The following AP5Z1 variants were observed in gnomAD, a reference collection of about 807,000 sequenced individuals.
The protein encoded by AP5Z1 is adaptor related protein complex 5 subunit zeta 1, also known as AP-5 complex subunit zeta-1.
Under a neutral mutation model 83.0 loss-of-function variants are expected in AP5Z1, and 106 were observed. The ratio of observed to expected loss-of-function variants is 1.28; its 90% CI spans 1.09 to 1.50. AP5Z1 has a LOEUF of 1.50. Among genes scored for constraint, AP5Z1 ranks in the 40% most tolerant of loss-of-function variants. The pLI, the probability that AP5Z1 is intolerant of heterozygous loss-of-function variation, is 0.00. For missense variants in AP5Z1, 1,565 were observed against 1,094.2 expected (o/e 1.43, Z -6.07); for synonymous variants, 751 against 514.1 (o/e 1.46, Z -6.23).
Position 4,788,138 on chromosome 7 carries a change from G to A in AP5Z1, c.1455-16G>A, listed in dbSNP as rs1333484629. ...GGGCCGCATCCCAGCCTGGCCTTGG[G>A]CGTCTGTCCACGCAGGTCAGCACCG... On this transcript the variant is annotated splice_polypyrimidine_tract_variant and intron_variant, in intron 11 of 16. Transcript: ENST00000649063. The A allele has an allele frequency of 6.6e-7, 1 of 1,513,826 alleles. No individual in the cohort carries two copies. The highest frequency in any genetic ancestry group is 8.9e-7 in the Non-Finnish European group (1 of 1,124,974). 93.8% of individuals were successfully genotyped at this position (1,513,826 alleles called of 1,614,324 possible). A position where few individuals can be genotyped will look rare whatever the true frequency, so the allele number is the denominator to read the frequency against.
chr7:4,790,883 C>G lies in AP5Z1; in HGVS notation c.2149C>G (p.Pro717Ala). 1 of 1,600,526 alleles carries G rather than the reference C, an allele frequency of 6.2e-7. No homozygotes were observed. The highest frequency in any genetic ancestry group is 8.5e-7 in the Non-Finnish European group (1 of 1,174,494). Residue 717 changes from proline (P) to alanine (A), a missense_variant, in exon 16 of 17, where the codon CCC becomes GCC. Coordinates refer to ENST00000649063, the MANE Select transcript of AP5Z1 (RefSeq NM_014855.3). ...KLASRSQDLI[P>A]RASLLLSKMR... ...GGCCTCCCGGAGCCAAGATCTGATC[C>G]CCAGGTGCCTGGTCAGGGAGGGAGC...
intron 3 of AP5Z1, among the ~76,000 whole-genome samples, chr7:4,782,704 C>A (rs1781413644): frequency 1.3e-5 from 2 of 152,150 alleles, no homozygotes; most frequent in South Asian, 4.2e-4. Context: ...CCCGGTAATG[C>A]TGTGGTAGCT....
intron 11 of AP5Z1, 44 bp from the exon 12 acceptor site, chr7:4,788,109 GC>G: frequency 4.0e-6 from 6 of 1,483,816 alleles, no homozygotes; most frequent in Non-Finnish European, 2.7e-6. Flanking sequence ...GCCCTTGAGT[GC>G]AGGGGCCGCA....
At chr7:4,784,068 A>C in intron 5 of AP5Z1, 135 bp from the exon 6 acceptor site, 1 of 1,131,860 alleles carries the variant, frequency 8.8e-7, no homozygotes, top group Non-Finnish European at 1.2e-6. Context: ...GTGTTTTTGC[A>C]TCACACAGGG....
intron 12 of AP5Z1, chr7:4,788,595 C>T (rs1357073191): frequency 6.0e-6 from 3 of 499,604 alleles, no homozygotes; most frequent in Non-Finnish European, 1.0e-5. Flanking sequence ...AAGCAGGAGG[C>T]CTGGGACCGG....
At chr7:4,780,148 G>C (rs1781341175) in intron 1 of AP5Z1, among the ~76,000 whole-genome samples, 1 of 152,066 alleles carries the variant, frequency 6.6e-6, no homozygotes, top group South Asian at 2.1e-4. Flanking sequence ...CGCATTATTG[G>C]TTCTTTCTTT....
At position 4,791,165 on chromosome 7, in the gene AP5Z1, C is replaced by G; in HGVS notation, c.2204C>G (p.Thr735Ser). ...KMRTLAHSPA[T>S]SSTHSEEGAE... Reference sequence around the variant, plus strand: ...AGGACCCTGGCTCACAGTCCAGCCACCAGCTCCACGCACAGCGAGGAGGGC... The same window carrying G: ...AGGACCCTGGCTCACAGTCCAGCCAGCAGCTCCACGCACAGCGAGGAGGGC... Residue 735 changes from threonine to serine, a missense_variant, in exon 17 of 17, where the codon ACC becomes AGC. Thr to Ser is a moderately conservative substitution (Grantham distance 58, BLOSUM62 1). Transcript: ENST00000649063. 1.9e-6 allele frequency: 3 copies of G among 1,611,264 alleles called. No individual in the cohort carries two copies. Among genetic ancestry groups the G allele is most frequent in the Non-Finnish European group, 1.7e-6 (2 of 1,179,108 alleles).
rs368821468 is a variant in AP5Z1 at position 4,786,377 on chromosome 7, G to A, written c.1260G>A (p.Leu420=). The A allele has an allele frequency of 2.2e-5, 35 of 1,613,940 alleles. No individual in the cohort carries two copies. Among genetic ancestry groups the A allele is most frequent in the East Asian group, 1.3e-4 (6 of 44,884 alleles). Residue 420 remains leucine (L), a synonymous_variant, in exon 10 of 17, where the codon CTG becomes CTA. Transcript: ENST00000649063. ...FIQFCRDNLH[L]FSGHLSTLRL... ...AGTTCTGCAGGGACAACCTCCACCT[G>A]TTCAGCGGGCACCTCAGCACCCTCA...
At chr7:4,789,989 C>CTCTCCCCTCCCCCCTCCCCT in intron 14 of AP5Z1, 60 bp downstream of exon 14, 5 of 1,228,550 alleles carry the variant, frequency 4.1e-6, no homozygotes, top group Non-Finnish European at 5.4e-6. Context: ...ACTCCTCCCC[C>CTCTCCCCTCCCCCCTCCCCT]TCTCCCCTCC....
At chr7:4,788,559 A>T in intron 12 of AP5Z1, 1 of 515,144 alleles carries the variant, frequency 1.9e-6, no homozygotes, top group South Asian at 3.7e-5. Flanking sequence ...CATTTTGCAG[A>T]TGGACAAACC....
At position 4,786,575 on chromosome 7, in the gene AP5Z1, G is replaced by A. The variant is rs184587800; in HGVS notation, c.1311+147G>A. ...CCTGGAATGCGGTGTGCAGGGTGAG[G>A]TGGGGATCTGGGGTGTCCCTGCAGC... is the stretch of plus-strand genomic sequence containing the variant. On this transcript the variant is annotated intron_variant, in intron 10 of 16. Coordinates refer to ENST00000649063, the MANE Select transcript of AP5Z1 (RefSeq NM_014855.3). 204 of 907,046 alleles carry A rather than the reference G, an allele frequency of 2.2e-4. 2 individuals are homozygous for A. The East Asian group carries it at 5.1e-3, about 23-fold the overall frequency. 56.2% of individuals were successfully genotyped at this position (907,046 alleles called of 1,614,324 possible).
At chr7:4,775,945 A>G (rs1407433979) in intron 1 of AP5Z1, among the ~76,000 whole-genome samples, 189 bp downstream of exon 1, 2 of 152,126 alleles carry the variant, frequency 1.3e-5, no homozygotes, top group East Asian at 1.9e-4. Context: ...GGGGAGGGTC[A>G]TGGTGGGTCC....
rs1279256830 is a variant in AP5Z1, at chr7:4,784,368, A to G, written c.787A>G (p.Thr263Ala). The G allele has an allele frequency of 6.3e-7, 1 of 1,579,666 alleles. No individual in the cohort carries two copies. The highest frequency in any genetic ancestry group is 1.8e-5 in the Admixed American group (1 of 57,030). The change falls in exon 6 of 17, where the codon ACA becomes GCA. Residue 263 changes from threonine (T) to alanine (A), a missense_variant. Transcript: ENST00000649063. ...CCCCGAGGGCCCGGGCACCCTGGAC[A>G]CAGGTGTGCGGGGTGGGGGGATGAC... ...SGPEGPGTLD[T>A]DDRSEQEGST...
At chr7:4,780,493 G>A (rs866153798) in intron 1 of AP5Z1, among the ~76,000 whole-genome samples, 4 of 152,002 alleles carry the variant, frequency 2.6e-5, no homozygotes, top group Non-Finnish European at 5.9e-5. Context: ...GGCCAGGCGC[G>A]GTGGCTCACG....
rs1171030704 is a variant in AP5Z1 at position 4,787,620 on chromosome 7, T to A, written c.1312-14T>A. The A allele has an allele frequency of 6.5e-7, 1 of 1,549,098 alleles. No individual in the cohort carries two copies. Among genetic ancestry groups the A allele is most frequent in the Admixed American group, 2.0e-5 (1 of 51,184 alleles). On this transcript the variant is annotated splice_polypyrimidine_tract_variant and intron_variant, in intron 10 of 16. Coordinates refer to ENST00000649063, the MANE Select transcript of AP5Z1 (RefSeq NM_014855.3). ...GCTCCGAGCCGTGTCCGAACCGCTG[T>A]GCTGTGCCCACAGTTCCTGGCCTGG...
chr7:4,783,266 G>A (rs1781432722), intron 3 of AP5Z1, 50 bp from the exon 4 acceptor site: 3 of 1,517,746 alleles, frequency 2.0e-6, no homozygotes, highest in Admixed American at 2.1e-5. Flanking sequence ...TGGGGGAGCT[G>A]GTCTCTGGCA....
intron 12 of AP5Z1, 109 bp downstream of exon 12, chr7:4,788,403 T>TC (rs1192862810): frequency 7.5e-7 from 1 of 1,337,720 alleles, no homozygotes; most frequent in African/African-American, 1.5e-5. Context: ...GTGCTTTGTG[T>TC]CCCACACAAG....
Position 4,784,970 on chromosome 7 carries a change from C to T in AP5Z1, c.853C>T (p.Arg285Cys), listed in dbSNP as rs756733130. 3.7e-5 allele frequency: 59 copies of T among 1,612,004 alleles called. No homozygotes were observed. Among genetic ancestry groups the T allele is most frequent in the East Asian group, 3.3e-4 (15 of 44,868 alleles). ...GATCTCCGCCACCTCCTCTGCCGGC[C>T]GCCTGCTGCCGCCCCGGGAGCGGCT... ...SVISATSSAGRLLPPRERLRE... is the reference protein window; with the variant it reads ...SVISATSSAGCLLPPRERLRE... The change falls in exon 7 of 17, where the codon CGC becomes TGC. Residue 285 changes from arginine (R) to cysteine (C), a missense_variant. Coordinates refer to ENST00000649063, the MANE Select transcript of AP5Z1 (RefSeq NM_014855.3).
chr7:4,789,290 C>T (rs1030127805), intron 13 of AP5Z1, among the ~76,000 whole-genome samples: 1 of 152,148 alleles, frequency 6.6e-6, no homozygotes, highest in African/African-American at 2.4e-5. Flanking sequence ...CCAGCAGGCC[C>T]TGTCTTCCGT....
Sources: allele counts gnomAD v4.1 joint callset (sites outside exome capture counted in the v4.1 genomes callset), GRCh38; gene constraint gnomAD v4.1.1; transcripts MANE v1.5; gene names NCBI Gene and HGNC (gene_info 2026-07-23, HGNC 2026-07-21).